Variants in HTR3A observed in about 807,000 individuals in gnomAD.
The protein encoded by HTR3A is 5-hydroxytryptamine (serotonin) receptor 3A, ionotropic.
In HTR3A, 45 loss-of-function variants were observed where a neutral mutation model predicts 54.8. The observed-to-expected ratio is 0.82, with a 90% CI of 0.65 to 1.05. The LOEUF (loss-of-function observed/expected upper bound fraction) is 1.05, where lower values mean the gene tolerates loss of function less well. Ranked by LOEUF, HTR3A falls within the 50% of genes least tolerant of loss-of-function variation. The pLI is 0.00. For missense variants in HTR3A, 657 were observed against 614.0 expected (o/e 1.07, Z -0.74); for synonymous variants, 297 against 256.0 (o/e 1.16, Z -1.53).
chr11:113,984,495 C>T (rs1330664697), intron 5 of HTR3A, among the ~76,000 whole-genome samples: 2 of 152,256 alleles, frequency 1.3e-5, no homozygotes, highest in East Asian at 3.9e-4. Context: ...CATGATTTCT[C>T]GCCCACCTTT....
At chr11:113,979,149 A>G in intron 2 of HTR3A, 84 bp from the exon 3 acceptor site, 1 of 1,025,372 alleles carries the variant, frequency 9.8e-7, no homozygotes, top group Admixed American at 1.7e-5. Flanking sequence ...GGACACAAGG[A>G]AGCCCCTCCT....
At position 113,983,019 on chromosome 11, in the gene HTR3A, T is replaced by C. The variant is rs559668109; in HGVS notation, c.375-101T>C. 48 of 1,364,688 alleles carry C rather than the reference T, an allele frequency of 3.5e-5. No homozygotes were observed. The East Asian group carries it at 1.0e-3, about 29-fold the overall frequency. 84.5% of individuals were successfully genotyped at this position (1,364,688 alleles called of 1,614,324 possible). ...CCAGGTTATCCGGCTGCCTATACCC[T>C]CCCCGAACTTCACTCCCTACCCAGT... is the stretch of plus-strand genomic sequence containing the variant. On this transcript the variant is annotated intron_variant, in intron 4 of 8. Transcript: ENST00000504030.
chr11:113,989,775 C>T lies in HTR3A; in HGVS notation c.*12C>T, dbSNP rs2137590239. The stretch of plus-strand genomic sequence containing the variant: ...GGCAGTACGCTTGAGTGGGTACAGC[C>T]CAGTGGAGGAGGGGGTACAGTCCTG... On this transcript the variant is annotated 3_prime_UTR_variant, in exon 9 of 9. Transcript: ENST00000504030. This position sits in a 1 kb window ranked among gnomAD's most constrained non-coding sequence, Gnocchi z 4.4. 1 of 1,606,600 alleles carries T rather than the reference C, an allele frequency of 6.2e-7. No individual in the cohort carries two copies. Among genetic ancestry groups the T allele is most frequent in the Non-Finnish European group, 8.5e-7 (1 of 1,179,890 alleles).
rs1203730965 is a variant in HTR3A, at chr11:113,990,119, C to T, written c.*356C>T. On this transcript the variant is annotated 3_prime_UTR_variant, in exon 9 of 9. Coordinates refer to ENST00000504030, the MANE Select transcript of HTR3A (RefSeq NM_000869.6). ...CTGAATAAGGGACTTTGGAATTCTG[C>T]TTCTCTTTCACAACTTTGCTTTTAG... 1.0e-5 allele frequency: 5 copies of T among 484,028 alleles called. No individual in the cohort carries two copies. The highest frequency in any genetic ancestry group is 7.8e-5 in the African/African-American group (4 of 51,274). 30.0% of individuals were successfully genotyped at this position (484,028 alleles called of 1,614,324 possible). A position where few individuals can be genotyped will look rare whatever the true frequency, so the allele number is the denominator to read the frequency against.
intron 6 of HTR3A, 60 bp from the exon 7 acceptor site, chr11:113,986,458 G>A (rs946175079): frequency 5.7e-6 from 9 of 1,579,162 alleles, no homozygotes; most frequent in Non-Finnish European, 6.9e-6. Flanking sequence ...CTTGTGGGGT[G>A]GTTCCTGGGA....
At chr11:113,982,786 C>G (rs777390650) in intron 4 of HTR3A, among the ~76,000 whole-genome samples, 1 of 152,202 alleles carries the variant, frequency 6.6e-6, no homozygotes, top group Non-Finnish European at 1.5e-5. Context: ...CTTTGCCCAG[C>G]CCAGGGCAGT....
rs1215357938 is a variant in HTR3A at position 113,989,557 on chromosome 11, G to A, written c.1231G>A (p.Ala411Thr). 12 of 1,614,190 alleles carry A rather than the reference G, an allele frequency of 7.4e-6. No homozygotes were observed. Among genetic ancestry groups the A allele is most frequent in the Non-Finnish European group, 1.0e-5 (12 of 1,180,038 alleles). Residue 411 changes from alanine (A) to threonine (T), a missense_variant, in exon 9 of 9, where the codon GCC (alanine) becomes ACC (threonine). Transcript: ENST00000504030. This position sits in a 1 kb window ranked among gnomAD's most constrained non-coding sequence, Gnocchi z 4.4. The part of the protein sequence containing the change: ...RCSPPPPPRE[A>T]SLAVCGLLQE... Reference sequence around the variant, plus strand: ...TAGCCCTCCCCCACCACCTCGGGAGGCCTCGCTGGCGGTGTGTGGGCTGCT... The same window carrying A: ...TAGCCCTCCCCCACCACCTCGGGAGACCTCGCTGGCGGTGTGTGGGCTGCT...
Position 113,990,077 on chromosome 11 carries a change from TC to T in HTR3A, c.*318del. 1 of 551,104 alleles carries T rather than the reference TC, an allele frequency of 1.8e-6. No individual in the cohort carries two copies. Among genetic ancestry groups the T allele is most frequent in the Non-Finnish European group, 3.4e-6 (1 of 290,708 alleles). 34.1% of individuals were successfully genotyped at this position (551,104 alleles called of 1,614,324 possible). On this transcript the variant is annotated 3_prime_UTR_variant, in exon 9 of 9. Coordinates refer to ENST00000504030, the MANE Select transcript of HTR3A (RefSeq NM_000869.6). ...TAAGTCCACTCTAGTTGTGGACTTT[TC>T]CCCATTGACCCTCACCTGAATAAGG...
chr11:113,979,584 A>G (rs1015573906), intron 3 of HTR3A, among the ~76,000 whole-genome samples: 1 of 152,182 alleles, frequency 6.6e-6, no homozygotes, highest in African/African-American at 2.4e-5. Flanking sequence ...ACTCTCAGCC[A>G]GCTCTGTTTG....
chr11:113,976,596 TGTG>T (rs1950354228), intron 1 of HTR3A, among the ~76,000 whole-genome samples: 1 of 147,694 alleles, frequency 6.8e-6, no homozygotes, highest in Non-Finnish European at 1.5e-5. Flanking sequence ...TGTGTGTGTG[TGTG>T]TGTGTGTGTG....
At chr11:113,980,293 T>G (rs1231587672) in intron 3 of HTR3A, among the ~76,000 whole-genome samples, 1 of 152,136 alleles carries the variant, frequency 6.6e-6, no homozygotes, top group Non-Finnish European at 1.5e-5. Flanking sequence ...GAGACTGGAA[T>G]TAGAGACACG....
rs750584586 is a variant in HTR3A at position 113,979,219 on chromosome 11, C to G, written c.220-14C>G. 1 of 1,612,292 alleles carries G rather than the reference C, an allele frequency of 6.2e-7. No individual in the cohort carries two copies. The highest frequency in any genetic ancestry group is 2.2e-5 in the East Asian group (1 of 44,880). On this transcript the variant is annotated splice_polypyrimidine_tract_variant and intron_variant, in intron 2 of 8. Coordinates refer to ENST00000504030, the MANE Select transcript of HTR3A (RefSeq NM_000869.6). Reference sequence around the variant, plus strand: ...CCACAGGGTTACTTGTTCAAGCTCCCTTTCCTTTCCCAGGATGAGAAGAAT... The same window carrying G: ...CCACAGGGTTACTTGTTCAAGCTCCGTTTCCTTTCCCAGGATGAGAAGAAT...
chr11:113,981,391 C>G, intron 4 of HTR3A, 79 bp downstream of exon 4: 1 of 864,820 alleles, frequency 1.2e-6, no homozygotes, highest in Non-Finnish European at 2.0e-6. Context: ...ACAAGATTGT[C>G]ACTGTTGCAT....
Position 113,989,806 on chromosome 11 carries a change from G to A in HTR3A, c.*43G>A. The A allele has an allele frequency of 1.3e-6, 2 of 1,596,306 alleles. No homozygotes were observed. On this transcript the variant is annotated 3_prime_UTR_variant, in exon 9 of 9. Coordinates refer to ENST00000504030, the MANE Select transcript of HTR3A (RefSeq NM_000869.6). The surrounding 1 kb of genome is among the most constrained non-coding windows in gnomAD (Gnocchi z 4.4). ...GAGGAGGGGGTACAGTCCTGGTTAG[G>A]TGGGGACAGAGGATTTCTGCTTAGG... is the stretch of plus-strand genomic sequence containing the variant.
chr11:113,982,211 G>T (rs1026984423), intron 4 of HTR3A, among the ~76,000 whole-genome samples: 6 of 152,140 alleles, frequency 3.9e-5, no homozygotes, highest in African/African-American at 1.4e-4. Context: ...CCACCAACTG[G>T]GTTTCAGAAT....
At chr11:113,979,318 C>T (rs781128818) in intron 3 of HTR3A, 41 bp downstream of exon 3, 2 of 1,525,550 alleles carry the variant, frequency 1.3e-6, no homozygotes, top group East Asian at 2.2e-5. Flanking sequence ...TACCCATCCT[C>T]CTGGGAAGGA....
In HTR3A at chr11:113,989,887, T is replaced by C. The variant is rs1172793359; in HGVS notation, c.*124T>C. 2 of 1,106,824 alleles carry C rather than the reference T, an allele frequency of 1.8e-6. No individual in the cohort carries two copies. The highest frequency in any genetic ancestry group is 1.5e-5 in the African/African-American group (1 of 65,378). The allele number at this position is 1,106,824 out of a possible 1,614,324, so 68.6% of individuals were successfully genotyped here. A position where few individuals can be genotyped will look rare whatever the true frequency, so the allele number is the denominator to read the frequency against. On this transcript the variant is annotated 3_prime_UTR_variant, in exon 9 of 9. Transcript: ENST00000504030. This position sits in a 1 kb window ranked among gnomAD's most constrained non-coding sequence, Gnocchi z 4.4. ...TTTTCAAGACACAGACAAAGTCCCGTGCCCTGTTTCCAATGCCAATTCATC... is the reference window on the plus strand; with the variant it reads ...TTTTCAAGACACAGACAAAGTCCCGCGCCCTGTTTCCAATGCCAATTCATC...
In HTR3A at chr11:113,975,418, G is replaced by A. The variant is rs1950340426; in HGVS notation, c.67+26G>A. ...GTAAGCAGACTTCGGGAAGCAGCAGGACTTGGCTGACCATCTGCTGAGGTG... is the reference window on the plus strand; with the variant it reads ...GTAAGCAGACTTCGGGAAGCAGCAGAACTTGGCTGACCATCTGCTGAGGTG... On this transcript the variant is annotated intron_variant, in intron 1 of 8. Coordinates refer to ENST00000504030, the MANE Select transcript of HTR3A (RefSeq NM_000869.6). 5.0e-6 allele frequency: 8 copies of A among 1,589,652 alleles called. No homozygotes were observed. The East Asian group carries it at 1.6e-4, about 31-fold the overall frequency.
At chr11:113,981,073 T>C in intron 3 of HTR3A, 130 bp from the exon 4 acceptor site, 1 of 698,842 alleles carries the variant, frequency 1.4e-6, no homozygotes, top group East Asian at 2.7e-5. Flanking sequence ...TGGGCGCCAC[T>C]GACACCAGCT....
Sources: gnomAD v4.1 joint callset for allele counts (sites outside exome capture counted in the v4.1 genomes callset) on GRCh38, gnomAD v4.1.1 for gene constraint, Gnocchi (gnomAD v3.1) non-coding constraint, MANE v1.5 for transcripts, NCBI Gene and HGNC (gene_info 2026-07-23, HGNC 2026-07-21) for gene names.